The following TG variants were observed in gnomAD, a reference collection of about 807,000 sequenced individuals.
TG encodes thyroglobulin.
TG carries 270 observed loss-of-function variants against 324.7 expected under a neutral mutation model. That is an observed-to-expected ratio of 0.83 (90% CI 0.75 to 0.92). TG has a LOEUF of 0.92. Among genes scored for constraint, TG ranks in the 40% least tolerant of loss-of-function variants. The pLI, the probability that TG is intolerant of heterozygous loss-of-function variation, is 0.00. For missense variants in TG, 3,591 were observed against 3,456.4 expected, an observed-to-expected ratio of 1.04 and a Z score of -0.98; for synonymous variants, 1,401 against 1,327.0, an observed-to-expected ratio of 1.06 and a Z score of -1.21.
At chr8:132,961,318 G>A (rs1403920059) in intron 28 of TG, among the ~76,000 whole-genome samples, 1 of 152,180 alleles carries the variant, frequency 6.6e-6, no homozygotes, top group African/African-American at 2.4e-5. Context: ...AGGTTCCCGC[G>A]AGATAAAGCT....
At chr8:133,010,131 G>C (rs1413582001) in intron 35 of TG, among the ~76,000 whole-genome samples, 1 of 152,196 alleles carries the variant, frequency 6.6e-6, no homozygotes, top group Non-Finnish European at 1.5e-5. Flanking sequence ...AACTCAGACA[G>C]GATAGAAGGA....
chr8:133,040,304 C>A, intron 41 of TG: 1 of 671,338 alleles, frequency 1.5e-6, no homozygotes, highest in East Asian at 2.7e-5. Context: ...ACGCGCCCAG[C>A]TGTTTGAGAA....
intron 35 of TG, among the ~76,000 whole-genome samples, chr8:132,991,147 C>T (rs536869564): frequency 4.6e-5 from 7 of 151,170 alleles, no homozygotes; most frequent in Non-Finnish European, 7.4e-5. Context: ...GACCTTCAGC[C>T]GAGGCAGTCC....
chr8:133,086,745 C>G (rs529220088), intron 41 of TG, among the ~76,000 whole-genome samples: 1 of 152,136 alleles, frequency 6.6e-6, no homozygotes, highest in East Asian at 1.9e-4. Context: ...AAAACTTTCT[C>G]ATTTCTTTAT....
intron 28 of TG, among the ~76,000 whole-genome samples, chr8:132,962,367 G>C (rs1458691152): frequency 6.6e-6 from 1 of 152,120 alleles, no homozygotes; most frequent in Non-Finnish European, 1.5e-5. Flanking sequence ...GGAGGTCCTG[G>C]GGTTGAAACC....
At chr8:132,964,656 A>C (rs2130403854) in intron 29 of TG, 1 of 502,644 alleles carries the variant, frequency 2.0e-6, no homozygotes, top group South Asian at 3.0e-5. Flanking sequence ...GAAATGGCTT[A>C]ATCTAATACG....
chr8:133,062,618 C>T (rs1439072332), intron 41 of TG, among the ~76,000 whole-genome samples: 5 of 152,228 alleles, frequency 3.3e-5, no homozygotes, highest in African/African-American at 1.2e-4. Flanking sequence ...TAGCCACAGG[C>T]GCTGTCCTGC....
chr8:132,936,233 C>CGTCTGGA, intron 25 of TG, among the ~76,000 whole-genome samples: 1 of 152,332 alleles, frequency 6.6e-6, no homozygotes, highest in Admixed American at 6.5e-5. Flanking sequence ...CAGCCTGTGC[C>CGTCTGGA]GTCTGGAAGG....
rs758094581 is a variant in TG at position 132,897,768 on chromosome 8, C to A, written c.3121C>A (p.Gln1041Lys). 1 of 1,614,106 alleles carries A rather than the reference C, an allele frequency of 6.2e-7. No homozygotes were observed. Among genetic ancestry groups the A allele is most frequent in the African/African-American group, 1.3e-5 (1 of 74,940 alleles). Reference protein sequence around the residue: ...CDAFGSWEPVQCHAGTGHCWC... With the variant: ...CDAFGSWEPVKCHAGTGHCWC... ...TGCGTTTGGAAGTTGGGAGCCTGTG[C>A]AGTGCCACGCTGGGACTGGTAAGGA... The change falls in exon 12 of 48, where the codon CAG (glutamine) becomes AAG (lysine). Residue 1041 changes from glutamine to lysine, a missense_variant. Physicochemically the swap from Gln to Lys is moderately conservative, Grantham distance 53. Transcript: ENST00000220616.
At chr8:133,009,336 G>A (rs1221760589) in intron 35 of TG, among the ~76,000 whole-genome samples, 1 of 152,052 alleles carries the variant, frequency 6.6e-6, no homozygotes, top group Non-Finnish European at 1.5e-5. Context: ...GGATGCTTAA[G>A]AAAATGAAAA....
intron 20 of TG, among the ~76,000 whole-genome samples, chr8:132,917,666 C>T (rs1820533359): frequency 6.6e-6 from 1 of 151,856 alleles, no homozygotes; most frequent in Non-Finnish European, 1.5e-5. Context: ...GAGAGAGGAC[C>T]AGGTGCGGGC....
intron 38 of TG, 113 bp from the exon 39 acceptor site, chr8:133,019,489 G>A (rs967091792): frequency 1.3e-5 from 11 of 839,798 alleles, no homozygotes; most frequent in South Asian, 8.2e-5. Flanking sequence ...AATTTCTGCA[G>A]AGCTGGTGGG....
chr8:132,960,883 C>T (rs556346490), intron 27 of TG, 125 bp from the exon 28 acceptor site: 36 of 959,276 alleles, frequency 3.8e-5, no homozygotes, highest in African/African-American at 1.1e-4. Context: ...TTACATCTTA[C>T]GTGGGAAACA....
chr8:133,056,172 T>C (rs1331798099), intron 41 of TG, among the ~76,000 whole-genome samples: 1 of 152,216 alleles, frequency 6.6e-6, no homozygotes, highest in Non-Finnish European at 1.5e-5. Flanking sequence ...TAAAAATTAA[T>C]TTACTTAAAA....
chr8:133,074,432 G>T (rs866444100), intron 41 of TG, among the ~76,000 whole-genome samples: 6 of 152,196 alleles, frequency 3.9e-5, no homozygotes, highest in Middle Eastern at 3.4e-3. Context: ...TCTTCACTTT[G>T]CCCTATACCT....
At chr8:132,950,809 A>G (rs189699570) in intron 27 of TG, among the ~76,000 whole-genome samples, 51 of 152,334 alleles carry the variant, frequency 3.3e-4, no homozygotes, top group Admixed American at 1.6e-3. Flanking sequence ...GGATATAACA[A>G]TAAAAAAATA....
chr8:132,947,574 T>C (rs554924911), intron 26 of TG, among the ~76,000 whole-genome samples: 18 of 152,258 alleles, frequency 1.2e-4, no homozygotes, highest in Non-Finnish European at 2.9e-5. Context: ...TAGATCCAGA[T>C]TGGACATAAA....
Position 132,901,280 on chromosome 8 carries a change from A to G in TG, c.3434-73A>G, listed in dbSNP as rs853322. On this transcript the variant is annotated intron_variant, in intron 15 of 47. Coordinates refer to ENST00000220616, the MANE Select transcript of TG (RefSeq NM_003235.5). ...GGGCTGAGGGTGGCCGTGGGTGGTG[A>G]GGAGGGTGATTGGGCATCTGAGCAG... 0.44 allele frequency: 690,605 copies of G among 1,574,400 alleles called. 152,907 individuals are homozygous for G. The highest frequency in any genetic ancestry group is 0.52 in the South Asian group (47,004 of 89,916).
In TG at chr8:132,896,431, G is replaced by A. The variant is rs80121836; in HGVS notation, c.3002-1218G>A. On this transcript the variant is annotated intron_variant, in intron 11 of 47. Coordinates refer to ENST00000220616, the MANE Select transcript of TG (RefSeq NM_003235.5). ...GCCATGAAGCCTGTTTCTGAAAGGT[G>A]GGGAGTGGGGAGAACTGTCCCAATG... Among the ~76,000 whole-genome samples the A allele has an allele frequency of 3.0e-4, 45 of 152,318 alleles. 1 individual carries two copies. The highest frequency in any genetic ancestry group is 1.1e-3 in the African/African-American group (44 of 41,570).
Sources: allele counts gnomAD v4.1 joint callset (sites outside exome capture counted in the v4.1 genomes callset), GRCh38; gene constraint gnomAD v4.1.1; transcripts MANE v1.5; gene names NCBI Gene and HGNC (gene_info 2026-07-23, HGNC 2026-07-21).